Variants in UVRAG observed in about 807,000 individuals in gnomAD.
The protein encoded by UVRAG is UV radiation resistance associated.
A neutral mutation model predicts 78.0 loss-of-function variants in UVRAG; 19 were observed. The observed-to-expected ratio is 0.24, with a 90% CI of 0.17 to 0.36. The LOEUF is 0.36. Among genes scored for constraint, UVRAG ranks in the 10% least tolerant of loss-of-function variants. The pLI, the probability that UVRAG is intolerant of heterozygous loss-of-function variation, is 1.00. For missense variants in UVRAG, 740 were observed against 853.8 expected, an observed-to-expected ratio of 0.87 and a Z score of 1.66; for synonymous variants, 323 against 324.6, an observed-to-expected ratio of 1.00 and a Z score of 0.05.
chr11:75,938,997 GTAGAACTC>G (rs1948432634), intron 6 of UVRAG, among the ~76,000 whole-genome samples: 1 of 152,076 alleles, frequency 6.6e-6, no homozygotes, highest in Non-Finnish European at 1.5e-5. Context: ...CGGGGCAATT[GTAGAACTC>G]TCCTCATGTG....
intron 2 of UVRAG, among the ~76,000 whole-genome samples, chr11:75,853,301 A>T (rs1946201474): frequency 6.6e-6 from 1 of 152,148 alleles, no homozygotes; most frequent in South Asian, 2.1e-4. Flanking sequence ...TAAAAAATTG[A>T]GTCAAGAAAT....
intron 14 of UVRAG, among the ~76,000 whole-genome samples, chr11:76,120,658 T>G (rs1351182409): frequency 6.6e-6 from 1 of 152,226 alleles, no homozygotes; most frequent in Admixed American, 6.5e-5. Context: ...TGTGTCACTT[T>G]ATGGTACTGT....
At chr11:75,884,863 ATTCTAGGTCTTTGGCC>A (rs1947041377) in intron 4 of UVRAG, among the ~76,000 whole-genome samples, 1 of 152,086 alleles carries the variant, frequency 6.6e-6, no homozygotes, top group Non-Finnish European at 1.5e-5. Context: ...ATTTCTGGCT[ATTCTAGGTCTTTGGCC>A]TTTCCATATA....
chr11:75,990,679 A>G (rs139727792), intron 8 of UVRAG, among the ~76,000 whole-genome samples: 73 of 152,322 alleles, frequency 4.8e-4, no homozygotes, highest in African/African-American at 8.7e-4. Context: ...TGTTTTCACC[A>G]GGAAACCATC....
At chr11:75,997,376 T>C (rs1377916518) in intron 8 of UVRAG, among the ~76,000 whole-genome samples, 1 of 152,272 alleles carries the variant, frequency 6.6e-6, no homozygotes, top group African/African-American at 2.4e-5. Flanking sequence ...TTAGCTATTA[T>C]ATTTATAGGA....
At chr11:76,035,243 A>C (rs961271369) in intron 12 of UVRAG, among the ~76,000 whole-genome samples, 7 of 152,162 alleles carry the variant, frequency 4.6e-5, no homozygotes, top group Admixed American at 6.5e-5. Flanking sequence ...TCTGTGTGAG[A>C]GATATAAGAA....
intron 12 of UVRAG, among the ~76,000 whole-genome samples, chr11:76,030,742 A>T (rs1253421662): frequency 6.6e-6 from 1 of 152,160 alleles, no homozygotes; most frequent in Non-Finnish European, 1.5e-5. Flanking sequence ...CTTGTACATG[A>T]AGCCCTCCCT....
At chr11:75,978,237 G>A (rs531001560) in intron 7 of UVRAG, among the ~76,000 whole-genome samples, 24 of 152,186 alleles carry the variant, frequency 1.6e-4, no homozygotes, top group Non-Finnish European at 2.4e-4. Context: ...CAAGAGATCC[G>A]CTGTTAGTCT....
intron 6 of UVRAG, among the ~76,000 whole-genome samples, chr11:75,957,549 TATC>T (rs1464562737): frequency 6.6e-6 from 1 of 152,146 alleles, no homozygotes; most frequent in Non-Finnish European, 1.5e-5. Context: ...TAAATTACAG[TATC>T]ATCTTACTAA....
intron 14 of UVRAG, among the ~76,000 whole-genome samples, chr11:76,123,720 G>A (rs1052370594): frequency 1.2e-4 from 18 of 152,052 alleles, no homozygotes; most frequent in Non-Finnish European, 2.1e-4. Context: ...CAGTTTCAAC[G>A]CTATCACTTA....
chr11:75,897,628 G>C (rs1334384038), intron 5 of UVRAG, among the ~76,000 whole-genome samples: 1 of 148,346 alleles, frequency 6.7e-6, no homozygotes, highest in African/African-American at 2.5e-5. Flanking sequence ...AGGTTCAATC[G>C]GTTACCTGCT....
At chr11:75,925,676 C>T (rs1238152697) in intron 6 of UVRAG, among the ~76,000 whole-genome samples, 3 of 152,060 alleles carry the variant, frequency 2.0e-5, no homozygotes, top group South Asian at 4.1e-4. Context: ...CTACAAAGGG[C>T]CTACACAGGG....
chr11:76,061,329 C>T (rs1951088275), intron 12 of UVRAG, among the ~76,000 whole-genome samples: 3 of 152,184 alleles, frequency 2.0e-5, no homozygotes, highest in South Asian at 4.1e-4. Flanking sequence ...CCACTCGGCT[C>T]TCTGTAAAAT....
intron 6 of UVRAG, among the ~76,000 whole-genome samples, chr11:75,947,721 C>T (rs942796257): frequency 6.6e-6 from 1 of 152,078 alleles, no homozygotes; most frequent in African/African-American, 2.4e-5. Flanking sequence ...GTGAAGACCA[C>T]GGGCTTTGGA....
chr11:75,975,071 G>C (rs1264527561), intron 7 of UVRAG, among the ~76,000 whole-genome samples: 1 of 152,152 alleles, frequency 6.6e-6, no homozygotes, highest in East Asian at 1.9e-4. Context: ...TGTAAGGAAG[G>C]GATCCAGTTT....
intron 13 of UVRAG, among the ~76,000 whole-genome samples, chr11:76,114,276 T>G (rs1351510250): frequency 6.6e-6 from 1 of 152,196 alleles, no homozygotes; most frequent in Non-Finnish European, 1.5e-5. Context: ...ATGGGGTAGA[T>G]CTTATAATTC....
chr11:75,815,680 G>C (rs1462137776), intron 1 of UVRAG, among the ~76,000 whole-genome samples, 156 bp downstream of exon 1: 3 of 152,172 alleles, frequency 2.0e-5, no homozygotes, highest in African/African-American at 7.2e-5. Flanking sequence ...TTTGTGCGGG[G>C]AGGGGTCCAG....
At chr11:76,066,321 A>T (rs1951184409) in intron 13 of UVRAG, among the ~76,000 whole-genome samples, 1 of 152,130 alleles carries the variant, frequency 6.6e-6, no homozygotes, top group African/African-American at 2.4e-5. Flanking sequence ...GTCTTTCCGT[A>T]TGCCGTAGTA....
chr11:75,886,147 C>T (rs886887400), intron 4 of UVRAG, among the ~76,000 whole-genome samples: 1 of 152,142 alleles, frequency 6.6e-6, no homozygotes, highest in Non-Finnish European at 1.5e-5. Context: ...ACTCAGGTTA[C>T]TTACTTTTTA....
Sources: gnomAD v4.1 joint callset for allele counts (sites outside exome capture counted in the v4.1 genomes callset) on GRCh38, gnomAD v4.1.1 for gene constraint, MANE v1.5 for transcripts, NCBI Gene and HGNC (gene_info 2026-07-23, HGNC 2026-07-21) for gene names.